Variants in SPECC1 observed in about 807,000 individuals in gnomAD.
The protein encoded by SPECC1 is cytospin-B.
Under a neutral mutation model 104.1 loss-of-function variants are expected in SPECC1, and 62 were observed. The observed-to-expected ratio is 0.60, with a 90% confidence interval of 0.49 to 0.74. The LOEUF is 0.74. SPECC1 is among the 30% of genes least tolerant of loss of function. The pLI, the probability that SPECC1 is intolerant of heterozygous loss-of-function variation, is 0.00. For synonymous variants in SPECC1, 513 were observed against 501.6 expected (o/e 1.02, Z -0.30); for missense variants, 1,306 against 1,310.5 (o/e 1.00, Z 0.05).
At chr17:20,083,880 C>T (rs930223032) in intron 1 of SPECC1, among the ~76,000 whole-genome samples, 14 of 152,170 alleles carry the variant, frequency 9.2e-5, no homozygotes, top group African/African-American at 9.7e-5. Flanking sequence ...CATATCCTTG[C>T]CAGCACTTGA....
At chr17:20,165,153 T>G (rs1051725093) in intron 3 of SPECC1, among the ~76,000 whole-genome samples, 1 of 152,200 alleles carries the variant, frequency 6.6e-6, no homozygotes, top group African/African-American at 2.4e-5. Flanking sequence ...ACCTAGGTAT[T>G]AAAGCCCCAC....
At position 20,227,573 on chromosome 17, in the gene SPECC1, A is replaced by T. The variant is rs770727436; in HGVS notation, c.2024A>T (p.His675Leu). The change falls in exon 5 of 15, where the codon CAC (histidine) becomes CTC (leucine). Residue 675 changes from histidine (H) to leucine (L), a missense_variant. His to Leu is a moderately conservative substitution (Grantham distance 99). This residue lies in a region of SPECC1 where 1,177 missense variants were observed against 1,139.9 expected (regional missense o/e 1.03). Transcript: ENST00000395527. ...GAATTGGAAGATCAGGTGGAACAGC[A>T]CCGGGCTGTCAAGTTACACAATAAT... ...IFELEDQVEQ[H>L]RAVKLHNNQL... is the part of the protein sequence containing the mutation. 1.2e-5 allele frequency: 19 copies of T among 1,612,442 alleles called. No individual in the cohort carries two copies. The South Asian group carries it at 2.0e-4, about 17-fold the overall frequency.
chr17:20,205,719 A>C lies in SPECC1; in HGVS notation c.1670A>C (p.His557Pro). 1 of 1,614,196 alleles carries C rather than the reference A, an allele frequency of 6.2e-7. No homozygotes were observed. The highest frequency in any genetic ancestry group is 8.5e-7 in the Non-Finnish European group (1 of 1,180,022). The change falls in exon 4 of 15, where the codon CAT becomes CCT. Residue 557 changes from histidine (H) to proline (P), a missense_variant. By Grantham distance (77) the His-to-Pro change is moderately conservative. Coordinates refer to ENST00000395527, the MANE Select transcript of SPECC1 (RefSeq NM_001243439.2). ...ATGGAGAATGGATCTTTGAAGTCTC[A>C]TTTGCAGGGTGAGAAGCAGAAAGCC... ...LKMENGSLKS[H>P]LQGEKQKATE...
chr17:20,224,475 T>A (rs893645068), intron 4 of SPECC1, among the ~76,000 whole-genome samples: 2 of 152,192 alleles, frequency 1.3e-5, no homozygotes, highest in East Asian at 3.9e-4. Flanking sequence ...GAAATGCTAC[T>A]TGGGAGCTGG....
intron 1 of SPECC1, chr17:20,073,843 C>T (rs865935979): frequency 3.9e-5 from 6 of 152,104 alleles, no homozygotes; most frequent in East Asian, 1.9e-4. Flanking sequence ...TACATTCTCC[C>T]GTGGTGCATG....
chr17:20,091,901 G>A (rs745891447), intron 1 of SPECC1, among the ~76,000 whole-genome samples: 1 of 152,164 alleles, frequency 6.6e-6, no homozygotes, highest in African/African-American at 2.4e-5. Flanking sequence ...GGATAATGAA[G>A]CTGAGGCCCG....
At chr17:20,256,200 G>A (rs189927746) in intron 10 of SPECC1, among the ~76,000 whole-genome samples, 150 of 152,190 alleles carry the variant, frequency 9.9e-4, no homozygotes, top group Non-Finnish European at 1.7e-3. Context: ...TAGTTGACAC[G>A]GTACATACTG....
intron 1 of SPECC1, among the ~76,000 whole-genome samples, chr17:20,062,207 C>T (rs1488720153): frequency 6.7e-6 from 1 of 149,608 alleles, no homozygotes; most frequent in Non-Finnish European, 1.5e-5. Context: ...AAGCCGAGAT[C>T]ACGCCACTGC....
intron 7 of SPECC1, chr17:20,237,093 A>T: frequency 7.1e-7 from 1 of 1,414,782 alleles, no homozygotes; most frequent in South Asian, 1.6e-5. Context: ...GCATGATCAA[A>T]GATGATGTTT....
intron 13 of SPECC1, among the ~76,000 whole-genome samples, chr17:20,300,944 C>T (rs2041556205): frequency 6.6e-6 from 1 of 152,172 alleles, no homozygotes; most frequent in Non-Finnish European, 1.5e-5. Context: ...TGGGTTGTGT[C>T]CCAGAGCCTA....
Position 20,247,328 on chromosome 17 carries a change from G to A in SPECC1, c.2598+9G>A, listed in dbSNP as rs2039461315. ...CTGTCTCTCCAATGCAGGTAGATGA[G>A]CCCCAGAAATAACCACTGCTTATGG... On this transcript the variant is annotated intron_variant, in intron 9 of 14. Transcript: ENST00000395527. 21 of 1,603,010 alleles carry A rather than the reference G, an allele frequency of 1.3e-5. No homozygotes were observed. Among genetic ancestry groups the A allele is most frequent in the Non-Finnish European group, 1.8e-5 (21 of 1,171,018 alleles).
Position 20,107,144 on chromosome 17 carries a change from CAAAAAAAAAAA to C in SPECC1, c.148-3268_148-3258del, listed in dbSNP as rs531912350. Among the ~76,000 whole-genome samples, 21 of 68,190 alleles carry C rather than the reference CAAAAAAAAAAA, an allele frequency of 3.1e-4. No homozygotes were observed. The South Asian group carries it at 7.6e-3, about 25-fold the overall frequency. The allele number at this position is 68,190 out of a possible 152,430, so 44.7% of individuals were successfully genotyped here. ...GGGCGACAGAGTGAGACTCGTGTCT[CAAAAAAAAAAA>C]AAAAAAAAAAAAAAGAAAAGAAAAA... On this transcript the variant is annotated intron_variant, in intron 2 of 14. Coordinates refer to ENST00000395527, the MANE Select transcript of SPECC1 (RefSeq NM_001243439.2).
intron 1 of SPECC1, among the ~76,000 whole-genome samples, chr17:20,034,028 G>A (rs10459970): frequency 0.11 from 16,814 of 152,056 alleles, 946 homozygotes; most frequent in Non-Finnish European, 0.12. Flanking sequence ...CATAAAAATT[G>A]CTCTAAATAC....
chr17:20,257,367 A>C, intron 10 of SPECC1, 84 bp from the exon 11 acceptor site: 2 of 1,428,494 alleles, frequency 1.4e-6, no homozygotes, highest in Non-Finnish European at 1.9e-6. Context: ...TAAAATGAGA[A>C]CTGTATTGTA....
chr17:20,298,948 A>AGAGAGAGAGAGAGAGC, intron 13 of SPECC1, among the ~76,000 whole-genome samples: 1 of 49,072 alleles, frequency 2.0e-5, no homozygotes, highest in Admixed American at 2.1e-4. Context: ...AGAGAGAGAG[A>AGAGAGAGAGAGAGAGC]GTGTGTGTGT....
Position 20,227,507 on chromosome 17 carries a change from A to C in SPECC1, c.1958A>C (p.Glu653Ala). 1 of 1,613,376 alleles carries C rather than the reference A, an allele frequency of 6.2e-7. No homozygotes were observed. Among genetic ancestry groups the C allele is most frequent in the Non-Finnish European group, 8.5e-7 (1 of 1,179,790 alleles). ...CTAAAGCTGCAAGAAAAAGCATCAG[A>C]GAGTGATGCAGAGATCAAAGACATG... is the stretch of plus-strand genomic sequence containing the variant. ...TSLKLQEKAS[E>A]SDAEIKDMKE... is the part of the protein sequence containing the mutation. The change falls in exon 5 of 15, where the codon GAG becomes GCG. Residue 653 changes from glutamate (E) to alanine (A), a missense_variant. Coordinates refer to ENST00000395527, the MANE Select transcript of SPECC1 (RefSeq NM_001243439.2).
chr17:20,282,492 G>T (rs528396153), intron 12 of SPECC1, among the ~76,000 whole-genome samples: 2 of 152,212 alleles, frequency 1.3e-5, no homozygotes, highest in East Asian at 3.8e-4. Context: ...ATGCAATTCC[G>T]ATTAAAATCC....
intron 3 of SPECC1, among the ~76,000 whole-genome samples, chr17:20,127,810 C>T (rs559337243): frequency 6.6e-6 from 1 of 152,072 alleles, no homozygotes; most frequent in South Asian, 2.1e-4. Flanking sequence ...ATGATGGCCC[C>T]TGTTCTTATC....
intron 7 of SPECC1, among the ~76,000 whole-genome samples, chr17:20,243,936 G>A (rs568990220): frequency 6.6e-6 from 1 of 152,254 alleles, no homozygotes; most frequent in East Asian, 1.9e-4. Flanking sequence ...TAAGAAGGTG[G>A]CCAGGCGCAG....
Sources: gnomAD v4.1 joint callset for allele counts (sites outside exome capture counted in the v4.1 genomes callset) on GRCh38, gnomAD v4.1.1 for gene constraint, gnomAD v4.1.1 regional missense constraint, MANE v1.5 for transcripts, NCBI Gene and HGNC (gene_info 2026-07-23, HGNC 2026-07-21) for gene names.